The following CNTNAP2 variants were observed in gnomAD, a reference collection of about 807,000 sequenced individuals.
CNTNAP2 encodes the protein contactin associated protein 2.
CNTNAP2 carries 98 observed loss-of-function variants against 155.2 expected under a neutral mutation model. The observed-to-expected ratio is 0.63, with a 90% CI of 0.54 to 0.75. The LOEUF is 0.75. Among genes scored for constraint, CNTNAP2 ranks in the 30% least tolerant of loss-of-function variants. The pLI is 0.00. For missense variants in CNTNAP2, 1,727 were observed against 1,688.1 expected (o/e 1.02, Z -0.40); for synonymous variants, 651 against 631.2 (o/e 1.03, Z -0.47).
intron 1 of CNTNAP2, among the ~76,000 whole-genome samples, chr7:146,327,388 G>A (rs1801115741): frequency 6.6e-6 from 1 of 152,162 alleles, no homozygotes. Flanking sequence ...CAACTCTTAA[G>A]TAATAAACAC....
At chr7:146,249,621 T>C (rs1233524311) in intron 1 of CNTNAP2, among the ~76,000 whole-genome samples, 3 of 152,222 alleles carry the variant, frequency 2.0e-5, no homozygotes, top group Non-Finnish European at 4.4e-5. Flanking sequence ...TCTTTATTTC[T>C]AAGTTTGGTC....
intron 11 of CNTNAP2, among the ~76,000 whole-genome samples, chr7:147,559,471 G>A (rs1222892438): frequency 6.6e-6 from 1 of 152,176 alleles, no homozygotes; most frequent in Admixed American, 6.5e-5. Flanking sequence ...AAGAACATTG[G>A]TTAAAAAGCA....
chr7:146,899,875 G>A (rs1795957183), intron 3 of CNTNAP2, among the ~76,000 whole-genome samples: 1 of 152,154 alleles, frequency 6.6e-6, no homozygotes, highest in Non-Finnish European at 1.5e-5. Context: ...AGAGCAAGTG[G>A]CCCTGTTTAT....
At chr7:147,894,474 G>T (rs1383654417) in intron 13 of CNTNAP2, among the ~76,000 whole-genome samples, 1 of 152,078 alleles carries the variant, frequency 6.6e-6, no homozygotes, top group Non-Finnish European at 1.5e-5. Flanking sequence ...GGGGACACTG[G>T]GAACAATAGT....
chr7:147,585,129 C>T (rs751143901), intron 12 of CNTNAP2, among the ~76,000 whole-genome samples: 3 of 152,136 alleles, frequency 2.0e-5, no homozygotes, highest in Non-Finnish European at 2.9e-5. Context: ...ATTCCCGTGG[C>T]TTGACCTAAT....
rs1417564864 is a variant in CNTNAP2, at chr7:146,827,194, G to A, written c.209-12517G>A. Among the ~76,000 whole-genome samples, 8 of 151,898 alleles carry A rather than the reference G, an allele frequency of 5.3e-5. No individual in the cohort carries two copies. The East Asian group carries it at 1.4e-3, about 26-fold the overall frequency. ...TTTGTAGATATTGAGTGCCTATTATGTCCAGAGAACCATGCTAGGCAGTGG... is the reference window on the plus strand; with the variant it reads ...TTTGTAGATATTGAGTGCCTATTATATCCAGAGAACCATGCTAGGCAGTGG... On this transcript the variant is annotated intron_variant, in intron 2 of 23. Coordinates refer to ENST00000361727, the MANE Select transcript of CNTNAP2 (RefSeq NM_014141.6).
rs144674570 is a variant in CNTNAP2 at position 146,363,585 on chromosome 7, G to A, written c.97+246612G>A. 2.6e-3 allele frequency among the ~76,000 whole-genome samples: 394 copies of A among 152,284 alleles called. 4 individuals are homozygous for A. The highest frequency in any genetic ancestry group is 9.0e-3 in the African/African-American group (375 of 41,556). Reference sequence around the variant, plus strand: ...CAGGAGGAAGAGGTGGCGAGGAAGAGGTGGCTGACATAGGGGAGAGTCCTA... The same window carrying A: ...CAGGAGGAAGAGGTGGCGAGGAAGAAGTGGCTGACATAGGGGAGAGTCCTA... On this transcript the variant is annotated intron_variant, in intron 1 of 23. Transcript: ENST00000361727.
intron 4 of CNTNAP2, among the ~76,000 whole-genome samples, chr7:147,100,211 C>T (rs1040601241): frequency 2.0e-5 from 3 of 151,962 alleles, no homozygotes; most frequent in Non-Finnish European, 2.9e-5. Flanking sequence ...TGTCTCTTCA[C>T]GTTGAATAAT....
chr7:148,403,483 T>C (rs17170995), intron 22 of CNTNAP2, among the ~76,000 whole-genome samples: 28,062 of 152,116 alleles, frequency 0.18, 2,801 homozygotes, highest in East Asian at 0.31. Flanking sequence ...GAGAATGTTA[T>C]AGCTAGTCTG....
At chr7:147,611,456 A>AT (rs939024803) in intron 12 of CNTNAP2, among the ~76,000 whole-genome samples, 16 of 152,218 alleles carry the variant, frequency 1.1e-4, no homozygotes, top group Non-Finnish European at 1.8e-4. Flanking sequence ...TTTTAAAAGG[A>AT]TTTTAACATC....
chr7:146,481,734 G>GT (rs1390646124), intron 1 of CNTNAP2, among the ~76,000 whole-genome samples: 1 of 152,082 alleles, frequency 6.6e-6, no homozygotes, highest in Admixed American at 6.5e-5. Context: ...TATCCCTTTA[G>GT]TCATTTTAGC....
intron 15 of CNTNAP2, among the ~76,000 whole-genome samples, chr7:148,021,106 C>T (rs984120885): frequency 6.6e-6 from 1 of 152,054 alleles, no homozygotes; most frequent in Admixed American, 6.6e-5. Flanking sequence ...AATAATAAAG[C>T]CAAAAGGAAA....
chr7:146,474,514 T>A (rs914689691), intron 1 of CNTNAP2, among the ~76,000 whole-genome samples: 10 of 151,758 alleles, frequency 6.6e-5, no homozygotes, highest in African/African-American at 2.4e-4. Context: ...GATTTGAGCT[T>A]TAGCATTGGA....
chr7:147,857,012 G>T (rs1351542178), intron 13 of CNTNAP2, among the ~76,000 whole-genome samples: 1 of 152,168 alleles, frequency 6.6e-6, no homozygotes, highest in Non-Finnish European at 1.5e-5. Flanking sequence ...AGAGACAGAG[G>T]CTGGGACAAA....
chr7:148,305,994 G>A (rs1797484535), intron 21 of CNTNAP2, among the ~76,000 whole-genome samples: 1 of 146,220 alleles, frequency 6.8e-6, no homozygotes, highest in South Asian at 2.1e-4. Context: ...CCATCCTTCT[G>A]TAGCTTCCTG....
intron 3 of CNTNAP2, among the ~76,000 whole-genome samples, chr7:146,992,075 G>C (rs1309180485): frequency 2.6e-5 from 4 of 152,068 alleles, no homozygotes; most frequent in African/African-American, 9.7e-5. Flanking sequence ...CTCCCTTGGA[G>C]GGTTTCTGCT....
chr7:148,416,968 T>C lies in CNTNAP2; in HGVS notation c.*1352T>C, dbSNP rs371897736. On this transcript the variant is annotated 3_prime_UTR_variant, in exon 24 of 24. Transcript: ENST00000361727. Reference sequence around the variant, plus strand: ...TTATATTTAAAAGTAATACACTTCCTGTAAACAAATGGGGACAATGCATCC... The same window carrying C: ...TTATATTTAAAAGTAATACACTTCCCGTAAACAAATGGGGACAATGCATCC... 5 of 152,258 alleles carry C rather than the reference T, an allele frequency of 3.3e-5. No individual in the cohort carries two copies. The highest frequency in any genetic ancestry group is 1.2e-4 in the African/African-American group (5 of 41,460). The allele number at this position is 152,258 out of a possible 1,614,324, so 9.4% of individuals were successfully genotyped here.
At chr7:148,226,342 G>A (rs1351393393) in intron 19 of CNTNAP2, among the ~76,000 whole-genome samples, 1 of 152,028 alleles carries the variant, frequency 6.6e-6, no homozygotes, top group East Asian at 1.9e-4. Context: ...GTAGACACAC[G>A]AGCAGGGCAG....
intron 1 of CNTNAP2, among the ~76,000 whole-genome samples, chr7:146,494,091 T>G (rs780018863): frequency 2.0e-5 from 3 of 152,244 alleles, no homozygotes; most frequent in South Asian, 4.1e-4. Context: ...GCCAGTACTT[T>G]TGGGAGGCCG....
Sources: gnomAD v4.1 joint callset for allele counts (sites outside exome capture counted in the v4.1 genomes callset) on GRCh38, gnomAD v4.1.1 for gene constraint, MANE v1.5 for transcripts, NCBI Gene and HGNC (gene_info 2026-07-23, HGNC 2026-07-21) for gene names.